The following CCAR2 variants were observed in gnomAD, a reference collection of about 807,000 sequenced individuals.
CCAR2 encodes cell cycle and apoptosis regulator 2.
A neutral mutation model predicts 108.1 loss-of-function variants in CCAR2; 21 were observed. The ratio of observed to expected loss-of-function variants is 0.19; its 90% CI spans 0.14 to 0.28. The LOEUF is 0.28. CCAR2 is among the 10% of genes least tolerant of loss of function. The probability of loss-of-function intolerance (pLI) is 1.00; values close to 1 mark genes in which losing one functional copy is unlikely to be tolerated. For missense variants in CCAR2, 1,126 were observed against 1,177.0 expected, an observed-to-expected ratio of 0.96 and a Z score of 0.63; for synonymous variants, 577 against 472.8, an observed-to-expected ratio of 1.22 and a Z score of -2.86.
intron 14 of CCAR2, among the ~76,000 whole-genome samples, chr8:22,616,833 AG>A (rs1801530741): frequency 6.7e-6 from 1 of 149,426 alleles, no homozygotes; most frequent in Non-Finnish European, 1.5e-5. Context: ...AGAAAAAAAA[AG>A]ATTTGTAAAC....
intron 14 of CCAR2, 79 bp downstream of exon 14, chr8:22,616,327 T>C: frequency 2.2e-6 from 3 of 1,350,320 alleles, no homozygotes; most frequent in Admixed American, 3.5e-5. Flanking sequence ...TTCCGAGCGC[T>C]TCCTGTGCCT....
chr8:22,619,515 C>CTCTGGGAAT, intron 20 of CCAR2, 123 bp from the exon 21 acceptor site: 1 of 1,412,076 alleles, frequency 7.1e-7, no homozygotes, highest in Non-Finnish European at 9.7e-7. Flanking sequence ...GTTGCAGGTT[C>CTCTGGGAAT]TCTGGGAATT....
At chr8:22,606,273 C>A in intron 3 of CCAR2, 97 bp downstream of exon 3, 1 of 1,063,298 alleles carries the variant, frequency 9.4e-7, no homozygotes, top group African/African-American at 1.6e-5. Flanking sequence ...GTTTATCATT[C>A]CTGATCCCTC....
At chr8:22,606,861 T>G (rs1446560817) in intron 4 of CCAR2, 49 bp from the exon 5 acceptor site, 1 of 1,592,688 alleles carries the variant, frequency 6.3e-7, no homozygotes, top group Non-Finnish European at 8.6e-7. Flanking sequence ...CAGGGTGGCC[T>G]GGCCAGGGTC....
At position 22,617,463 on chromosome 8, in the gene CCAR2, A is replaced by G. The variant is rs201154111; in HGVS notation, c.1889A>G (p.Glu630Gly). The change falls in exon 15 of 21, where the codon GAG becomes GGG. Residue 630 changes from glutamate to glycine, a missense_variant. By Grantham distance (98) the Glu-to-Gly change is moderately conservative (BLOSUM62 -2). Transcript: ENST00000308511. ...CCCAAACCACTCTCTTCTGGGGGAG[A>G]GGAAGAAGAAAAACCCCGGGGCGAG... ...LLPKPLSSGG[E>G]EEEKPRGEAS... 9.4e-6 allele frequency: 15 copies of G among 1,599,800 alleles called. No homozygotes were observed. Among genetic ancestry groups the G allele is most frequent in the Non-Finnish European group, 1.3e-5 (15 of 1,173,432 alleles).
At chr8:22,608,089 T>C (rs1418424554) in intron 7 of CCAR2, 24 bp downstream of exon 7, 1 of 1,568,234 alleles carries the variant, frequency 6.4e-7, no homozygotes. Context: ...GTCCCTTTTT[T>C]TGGCCACTTG....
intron 17 of CCAR2, 52 bp from the exon 18 acceptor site, chr8:22,618,565 A>G: frequency 2.5e-6 from 4 of 1,613,798 alleles, no homozygotes; most frequent in Non-Finnish European, 3.4e-6. Context: ...GTTCCCGCCC[A>G]TGGCCAGGGT....
chr8:22,605,982 G>C (rs1801062911), intron 2 of CCAR2, 103 bp from the exon 3 acceptor site: 1 of 1,260,204 alleles, frequency 7.9e-7, no homozygotes, highest in Non-Finnish European at 1.2e-6. Context: ...CTCTGTGGAG[G>C]AGCTGGCTGG....
chr8:22,616,330 C>A, intron 14 of CCAR2, 82 bp downstream of exon 14: 2 of 1,341,788 alleles, frequency 1.5e-6, no homozygotes, highest in South Asian at 2.5e-5. Context: ...CGAGCGCTTC[C>A]TGTGCCTTAG....
Position 22,619,744 on chromosome 8 carries a change from C to G in CCAR2, c.*62C>G, listed in dbSNP as rs200929865. 13 of 1,521,882 alleles carry G rather than the reference C, an allele frequency of 8.5e-6. No homozygotes were observed. The highest frequency in any genetic ancestry group is 1.2e-5 in the Non-Finnish European group (13 of 1,123,712). The allele number at this position is 1,521,882 out of a possible 1,614,324, so 94.3% of individuals were successfully genotyped here. A position where few individuals can be genotyped will look rare whatever the true frequency, so the allele number is the denominator to read the frequency against. ...GGTGGCGCCCGGCAAAGTTGGAGCC[C>G]TTGCGGTACCAGAAAGCAGCGAGAG... On this transcript the variant is annotated 3_prime_UTR_variant, in exon 21 of 21. Transcript: ENST00000308511.
Position 22,614,370 on chromosome 8 carries a change from G to C in CCAR2, c.928-20G>C. On this transcript the variant is annotated intron_variant, in intron 9 of 20. Transcript: ENST00000308511. The stretch of plus-strand genomic sequence containing the variant: ...ATTTCTGGAGGCTGAAGGCAGCTCT[G>C]AGTGTCTCCTCCTGCACAGGTACTG... The C allele has an allele frequency of 6.2e-7, 1 of 1,613,900 alleles. No homozygotes were observed. The highest frequency in any genetic ancestry group is 1.1e-5 in the South Asian group (1 of 91,086).
At chr8:22,614,606 T>A in intron 10 of CCAR2, 103 bp downstream of exon 10, 1 of 1,169,682 alleles carries the variant, frequency 8.5e-7, no homozygotes, top group Non-Finnish European at 1.3e-6. Flanking sequence ...AAACGAGGCA[T>A]CTCAGAGCCG....
intron 20 of CCAR2, 36 bp downstream of exon 20, chr8:22,619,391 C>G: frequency 1.3e-6 from 2 of 1,544,422 alleles, no homozygotes; most frequent in Admixed American, 3.9e-5. Context: ...AGCACAGCTC[C>G]TTTCCCTGAG....
At chr8:22,609,767 C>T (rs924540302) in intron 7 of CCAR2, among the ~76,000 whole-genome samples, 1 of 152,116 alleles carries the variant, frequency 6.6e-6, no homozygotes, top group Non-Finnish European at 1.5e-5. Flanking sequence ...TTCTGCTTTA[C>T]GGTTAATTTC....
intron 10 of CCAR2, 77 bp from the exon 11 acceptor site, chr8:22,614,761 G>T: frequency 6.3e-7 from 1 of 1,587,604 alleles, no homozygotes; most frequent in Non-Finnish European, 8.6e-7. Flanking sequence ...TCATCCTGAT[G>T]GGTGGCAGCC....
In CCAR2 at chr8:22,618,999, A is replaced by G. The variant is rs200185987; in HGVS notation, c.2505A>G (p.Thr835=). The G allele has an allele frequency of 2.4e-5, 39 of 1,613,212 alleles. No homozygotes were observed. The Admixed American group carries it at 4.8e-4, about 20-fold the overall frequency. ...TCTACCTAGAGAACAAGATCCACAC[A>G]CTGGAGCTGAAGCTGGGTGAGGGCC... ...GRLYLENKIH[T]LELKLEESHN... is the part of the protein sequence containing the mutation. The change falls in exon 19 of 21, where the codon ACA becomes ACG. Residue 835 remains threonine (T), a synonymous_variant. Coordinates refer to ENST00000308511, the MANE Select transcript of CCAR2 (RefSeq NM_001393997.1).
chr8:22,616,376 G>C, intron 14 of CCAR2, 128 bp downstream of exon 14: 1 of 841,850 alleles, frequency 1.2e-6, no homozygotes, highest in Non-Finnish European at 1.9e-6. Context: ...ATGGACTGAG[G>C]CCGCACAGCT....
intron 16 of CCAR2, 45 bp downstream of exon 16, chr8:22,617,823 C>G (rs201489201): frequency 1.3e-6 from 2 of 1,592,826 alleles, no homozygotes; most frequent in African/African-American, 2.7e-5. Flanking sequence ...GGTGGTGAGG[C>G]TTGGCAAGGC....
chr8:22,610,218 G>A (rs1288312003), intron 7 of CCAR2, among the ~76,000 whole-genome samples: 1 of 152,176 alleles, frequency 6.6e-6, no homozygotes, highest in East Asian at 1.9e-4. Context: ...TCATTCTGGG[G>A]CAGCAACTTT....
Sources: gnomAD v4.1 joint callset for allele counts (sites outside exome capture counted in the v4.1 genomes callset) on GRCh38, gnomAD v4.1.1 for gene constraint, MANE v1.5 for transcripts, NCBI Gene and HGNC (gene_info 2026-07-23, HGNC 2026-07-21) for gene names.